PLCB4: variants seen among roughly 807,000 people sequenced by gnomAD.
The protein encoded by PLCB4 is 1-phosphatidylinositol 4,5-bisphosphate phosphodiesterase beta-4.
Under a neutral mutation model 178.8 loss-of-function variants are expected in PLCB4, and 77 were observed. The ratio of observed to expected loss-of-function variants is 0.43; its 90% CI spans 0.36 to 0.52. The LOEUF (loss-of-function observed/expected upper bound fraction) is 0.52. Among genes scored for constraint, PLCB4 ranks in the 20% least tolerant of loss-of-function variants. PLCB4 has a pLI of 0.00. For missense variants in PLCB4, 1,024 were observed against 1,453.4 expected, an observed-to-expected ratio of 0.70 and a Z score of 4.80; for synonymous variants, 496 against 490.8, an observed-to-expected ratio of 1.01 and a Z score of -0.14.
At chr20:9,229,285 G>A (rs1160120855) in intron 3 of PLCB4, among the ~76,000 whole-genome samples, 4 of 152,260 alleles carry the variant, frequency 2.6e-5, no homozygotes, top group East Asian at 3.9e-4. Context: ...CATTAAACGG[G>A]TACAGAATGA....
intron 16 of PLCB4, 96 bp from the exon 17 acceptor site, chr20:9,390,435 C>A: frequency 1.7e-6 from 1 of 598,968 alleles, no homozygotes; most frequent in Non-Finnish European, 3.1e-6. Context: ...TGCATTTTGC[C>A]AAGTGAGAAT....
intron 7 of PLCB4, among the ~76,000 whole-genome samples, chr20:9,362,544 A>G (rs1313281348): frequency 6.6e-6 from 1 of 152,244 alleles, no homozygotes; most frequent in Non-Finnish European, 1.5e-5. Context: ...CATGTATTTT[A>G]TAATGCTGGT....
intron 34 of PLCB4, among the ~76,000 whole-genome samples, 172 bp from the exon 35 acceptor site, chr20:9,459,463 C>T (rs1052417140): frequency 6.6e-6 from 1 of 152,248 alleles, no homozygotes; most frequent in Non-Finnish European, 1.5e-5. Flanking sequence ...TAAGCAATAA[C>T]TTCCTGCTTC....
intron 35 of PLCB4, among the ~76,000 whole-genome samples, chr20:9,467,957 T>C (rs928714382): frequency 1.2e-4 from 19 of 152,208 alleles, no homozygotes; most frequent in Non-Finnish European, 1.9e-4. Flanking sequence ...CATGCAGTGG[T>C]TGGTCACCTG....
chr20:9,364,351 G>A (rs997964753), intron 8 of PLCB4, among the ~76,000 whole-genome samples: 1 of 152,176 alleles, frequency 6.6e-6, no homozygotes, highest in Non-Finnish European at 1.5e-5. Flanking sequence ...CCTTTATGAA[G>A]CTGGTGTTCA....
Position 9,444,192 on chromosome 20 carries a change from T to A in PLCB4, c.2829T>A (p.His943Gln). The A allele has an allele frequency of 6.2e-7, 1 of 1,604,214 alleles. No individual in the cohort carries two copies. ...DLKQMKAYLK[H>Q]LKKQQKELNS... is the part of the protein sequence containing the mutation. Reference sequence around the variant, plus strand: ...TTCTCCCAAAGGCTTACTTGAAGCATTTAAAGAAACAGCAGAAGGAGCTAA... The same window carrying A: ...TTCTCCCAAAGGCTTACTTGAAGCAATTAAAGAAACAGCAGAAGGAGCTAA... The change falls in exon 32 of 40, where the codon CAT becomes CAA. Residue 943 changes from histidine to glutamine, a missense_variant. This residue lies in a region of PLCB4 where 227 missense variants were observed against 374.3 expected (regional missense o/e 0.61). Coordinates refer to ENST00000378473, the MANE Select transcript of PLCB4 (RefSeq NM_001377142.1).
chr20:9,193,661 C>G (rs1039371330), intron 2 of PLCB4, among the ~76,000 whole-genome samples: 7 of 152,030 alleles, frequency 4.6e-5, no homozygotes, highest in Non-Finnish European at 1.0e-4. Context: ...AGACCTATGT[C>G]TTTTTAAAAT....
At chr20:9,457,927 A>T (rs1456440572) in intron 34 of PLCB4, among the ~76,000 whole-genome samples, 1 of 152,178 alleles carries the variant, frequency 6.6e-6, no homozygotes, top group East Asian at 1.9e-4. Flanking sequence ...TTAAGAGCTG[A>T]TATTCTAAAA....
At chr20:9,180,836 G>GCTAT (rs1241013735) in intron 2 of PLCB4, among the ~76,000 whole-genome samples, 1 of 152,188 alleles carries the variant, frequency 6.6e-6, no homozygotes, top group Non-Finnish European at 1.5e-5. Context: ...CTGTCTGGAT[G>GCTAT]CTATTTCTGT....
At chr20:9,402,122 G>C (rs553227113) in intron 20 of PLCB4, among the ~76,000 whole-genome samples, 2 of 152,336 alleles carry the variant, frequency 1.3e-5, no homozygotes, top group South Asian at 2.1e-4. Flanking sequence ...CTTGCCTTCT[G>C]CCCTTAGGCA....
At position 9,395,636 on chromosome 20, in the gene PLCB4, A is replaced by G. The variant is rs758220003; in HGVS notation, c.1510+18A>G. The G allele has an allele frequency of 2.0e-6, 3 of 1,524,270 alleles. No homozygotes were observed. The South Asian group carries it at 3.4e-5, about 17-fold the overall frequency. The allele number at this position is 1,524,270 out of a possible 1,614,324, so 94.4% of individuals were successfully genotyped here. A position where few individuals can be genotyped will look rare whatever the true frequency, so the allele number is the denominator to read the frequency against. On this transcript the variant is annotated intron_variant, in intron 19 of 39. Transcript: ENST00000378473. ...CGAAAGTGGTGAGCTGTTTGCTTTTATTTTAAGTTACATGCTTTGAAAATA... is the reference window on the plus strand; with the variant it reads ...CGAAAGTGGTGAGCTGTTTGCTTTTGTTTTAAGTTACATGCTTTGAAAATA...
At chr20:9,296,686 G>C (rs9753622) in intron 3 of PLCB4, among the ~76,000 whole-genome samples, 47,965 of 151,844 alleles carry the variant, frequency 0.32, 7,578 homozygotes, top group East Asian at 0.37. Context: ...CCATAAAAAA[G>C]GATGAGTTCA....
chr20:9,438,596 A>G (rs1227285552), intron 30 of PLCB4, among the ~76,000 whole-genome samples: 1 of 152,158 alleles, frequency 6.6e-6, no homozygotes, highest in African/African-American at 2.4e-5. Flanking sequence ...GGGCAGAAAT[A>G]TGCAATTACC....
chr20:9,154,676 C>G (rs1230582143), intron 2 of PLCB4, among the ~76,000 whole-genome samples: 2 of 152,226 alleles, frequency 1.3e-5, no homozygotes, highest in Non-Finnish European at 2.9e-5. Flanking sequence ...TTAGCAGAGT[C>G]TAGGAGCTAC....
chr20:9,297,186 T>G (rs1402359418), intron 3 of PLCB4, among the ~76,000 whole-genome samples: 1 of 152,062 alleles, frequency 6.6e-6, no homozygotes, highest in Non-Finnish European at 1.5e-5. Flanking sequence ...ATATATTTTT[T>G]TGCTAAAGGT....
At chr20:9,252,030 G>A (rs557140342) in intron 3 of PLCB4, among the ~76,000 whole-genome samples, 1 of 152,202 alleles carries the variant, frequency 6.6e-6, no homozygotes, top group South Asian at 2.1e-4. Flanking sequence ...GATACTAAAT[G>A]TTCATCAGAT....
chr20:9,124,860 C>A (rs964500026), intron 2 of PLCB4, among the ~76,000 whole-genome samples: 12 of 152,252 alleles, frequency 7.9e-5, no homozygotes, highest in African/African-American at 2.9e-4. Flanking sequence ...TGATAAGTCT[C>A]ATCTTTGTAA....
At chr20:9,304,593 A>C (rs1343850411) in intron 3 of PLCB4, among the ~76,000 whole-genome samples, 1 of 152,160 alleles carries the variant, frequency 6.6e-6, no homozygotes, top group Non-Finnish European at 1.5e-5. Flanking sequence ...CGAGATTCTT[A>C]CTTGTCTTCT....
intron 2 of PLCB4, among the ~76,000 whole-genome samples, chr20:9,156,605 T>C (rs1327288575): frequency 1.3e-5 from 2 of 152,090 alleles, no homozygotes; most frequent in Non-Finnish European, 2.9e-5. Context: ...GGGCATTGAC[T>C]TAGGTTTTAG....
Sources: allele counts gnomAD v4.1 joint callset (sites outside exome capture counted in the v4.1 genomes callset), GRCh38; gene constraint gnomAD v4.1.1; regional missense constraint gnomAD v4.1.1; transcripts MANE v1.5; gene names NCBI Gene and HGNC (gene_info 2026-07-23, HGNC 2026-07-21).